Variants in TP53INP1 observed in about 807,000 individuals in gnomAD.
TP53INP1 encodes tumor protein p53-inducible nuclear protein 1.
Under a neutral mutation model 21.0 loss-of-function variants are expected in TP53INP1, and 12 were observed. The observed-to-expected ratio is 0.57, with a 90% CI of 0.37 to 0.93. TP53INP1 has a LOEUF of 0.93. Among genes scored for constraint, TP53INP1 ranks in the 40% least tolerant of loss-of-function variants. The pLI is 0.01. For synonymous variants in TP53INP1, 91 were observed against 94.8 expected, an observed-to-expected ratio of 0.96 and a Z score of 0.23; for missense variants, 274 against 294.7, an observed-to-expected ratio of 0.93 and a Z score of 0.51.
rs542484737 is a variant in TP53INP1, at chr8:94,930,415, A to T, written c.*64T>A. 6.3e-7 allele frequency: 1 copy of T among 1,596,844 alleles called. No homozygotes were observed. The highest frequency in any genetic ancestry group is 1.3e-5 in the African/African-American group (1 of 74,688). The stretch of plus-strand genomic sequence containing the variant: ...TAAAGAGACAACATTTTCACTGTAC[A>T]TATACACACATCCATACATGTAAGC... On this transcript the variant is annotated 3_prime_UTR_variant, in exon 4 of 4. Coordinates refer to ENST00000342697, the MANE Select transcript of TP53INP1 (RefSeq NM_033285.4).
Position 94,926,467 on chromosome 8 carries a change from G to A in TP53INP1, c.*4012C>T, listed in dbSNP as rs1302181532. The A allele has an allele frequency of 6.7e-6, 1 of 149,008 alleles. No homozygotes were observed. The highest frequency in any genetic ancestry group is 6.7e-5 in the Admixed American group (1 of 14,946). 9.2% of individuals were successfully genotyped at this position (149,008 alleles called of 1,614,324 possible). A position where few individuals can be genotyped will look rare whatever the true frequency, so the allele number is the denominator to read the frequency against. ...ATTATTAAAGTTCAAAATCTCTGGA[G>A]GAAAATACAAGCAAAACCACTCATA... On this transcript the variant is annotated 3_prime_UTR_variant, in exon 4 of 4. Transcript: ENST00000342697.
chr8:94,943,412 C>T (rs1821726424), intron 1 of TP53INP1, among the ~76,000 whole-genome samples: 1 of 152,144 alleles, frequency 6.6e-6, no homozygotes, highest in Admixed American at 6.5e-5. Flanking sequence ...TCTCTTGAGT[C>T]CAGGTTCAAG....
chr8:94,933,558 A>T (rs1820642721), intron 3 of TP53INP1, among the ~76,000 whole-genome samples: 2 of 152,076 alleles, frequency 1.3e-5, no homozygotes, highest in African/African-American at 2.4e-5. Context: ...TGAAGTCAGG[A>T]GTTTGAGACC....
At chr8:94,934,077 C>CAA (rs1334851997) in intron 3 of TP53INP1, among the ~76,000 whole-genome samples, 2 of 108,714 alleles carry the variant, frequency 1.8e-5, no homozygotes, top group Non-Finnish European at 3.8e-5. Flanking sequence ...AACTCTGTCT[C>CAA]AAAAAAAAAA....
chr8:94,948,831 G>A (rs1458111060), intron 1 of TP53INP1, among the ~76,000 whole-genome samples: 2 of 152,078 alleles, frequency 1.3e-5, no homozygotes, highest in Non-Finnish European at 2.9e-5. Context: ...GCCACGCTCG[G>A]GGGAGGAGGC....
chr8:94,934,671 C>T (rs1197096407), intron 3 of TP53INP1, among the ~76,000 whole-genome samples: 2 of 152,094 alleles, frequency 1.3e-5, no homozygotes, highest in Non-Finnish European at 2.9e-5. Flanking sequence ...TAAGCCACTG[C>T]ACCTGGCCTA....
At chr8:94,933,838 G>GGGA (rs1820687778) in intron 3 of TP53INP1, among the ~76,000 whole-genome samples, 2 of 148,482 alleles carry the variant, frequency 1.3e-5, no homozygotes, top group African/African-American at 5.0e-5. Flanking sequence ...ACTTTGTGGG[G>GGGA]GGGGGGGGAG....
intron 2 of TP53INP1, 118 bp downstream of exon 2, chr8:94,940,712 C>G: frequency 1.4e-6 from 1 of 692,964 alleles, no homozygotes; most frequent in Non-Finnish European, 2.4e-6. Context: ...AAGACAAACT[C>G]CTGCTTACTT....
intron 3 of TP53INP1, 59 bp downstream of exon 3, chr8:94,939,801 T>C (rs950997480): frequency 6.4e-7 from 1 of 1,564,626 alleles, no homozygotes; most frequent in Non-Finnish European, 8.6e-7. Flanking sequence ...TGAATTACAG[T>C]AGAGACAAAA....
intron 1 of TP53INP1, among the ~76,000 whole-genome samples, chr8:94,943,478 C>T (rs756602301): frequency 1.3e-5 from 2 of 152,076 alleles, no homozygotes; most frequent in Non-Finnish European, 2.9e-5. Flanking sequence ...CACAGCGAGA[C>T]CTTGTCTCAA....
At position 94,930,469 on chromosome 8, in the gene TP53INP1, C is replaced by T. The variant is rs902867314; in HGVS notation, c.*10G>A. ...AACCAAGAGAAACCAACCAACAAAACTTGAAACTATTAGTAATTGTACTGA... is the reference window on the plus strand; with the variant it reads ...AACCAAGAGAAACCAACCAACAAAATTTGAAACTATTAGTAATTGTACTGA... On this transcript the variant is annotated 3_prime_UTR_variant, in exon 4 of 4. Transcript: ENST00000342697. 3.1e-6 allele frequency: 5 copies of T among 1,613,120 alleles called. No individual in the cohort carries two copies. The highest frequency in any genetic ancestry group is 2.2e-5 in the East Asian group (1 of 44,860).
chr8:94,938,294 T>C (rs1192744653), intron 3 of TP53INP1, among the ~76,000 whole-genome samples: 4 of 152,238 alleles, frequency 2.6e-5, no homozygotes, highest in African/African-American at 9.6e-5. Context: ...ATTCTGGTGT[T>C]GTGCCAGTAT....
rs753013292 is a variant in TP53INP1, at chr8:94,939,996, T to G, written c.337A>C (p.Lys113Gln). 1.8e-5 allele frequency: 29 copies of G among 1,614,040 alleles called. 1 individual carries two copies. In the South Asian group the frequency reaches 3.1e-4, roughly 17 times the overall value. Reference protein sequence around the residue: ...CFTAGGLTTIKVETSPMENLL... With the variant: ...CFTAGGLTTIQVETSPMENLL... ...TTTTCCATAGGACTTGTTTCCACCTTGATAGTGGTTAATCCACCTGCAGTA... is the reference window on the plus strand; with the variant it reads ...TTTTCCATAGGACTTGTTTCCACCTGGATAGTGGTTAATCCACCTGCAGTA... The change falls in exon 3 of 4, where the codon AAG (lysine) becomes CAG (glutamine). Residue 113 changes from lysine (K) to glutamine (Q), a missense_variant. Lys to Gln is a moderately conservative substitution (Grantham distance 53). Coordinates refer to ENST00000342697, the MANE Select transcript of TP53INP1 (RefSeq NM_033285.4).
chr8:94,947,577 C>T (rs1445336413), intron 1 of TP53INP1, among the ~76,000 whole-genome samples: 1 of 152,212 alleles, frequency 6.6e-6, no homozygotes, highest in South Asian at 2.1e-4. Flanking sequence ...TTTTGAACTG[C>T]AGAAAAAACC....
chr8:94,947,912 G>T (rs1029383246), intron 1 of TP53INP1, among the ~76,000 whole-genome samples: 2 of 152,210 alleles, frequency 1.3e-5, no homozygotes, highest in Admixed American at 6.5e-5. Flanking sequence ...CGACTTAAAA[G>T]CTTCCCAGTG....
chr8:94,940,421 A>T (rs1278985628), intron 2 of TP53INP1, among the ~76,000 whole-genome samples: 1 of 149,454 alleles, frequency 6.7e-6, no homozygotes, highest in Non-Finnish European at 1.5e-5. Flanking sequence ...TATGACTATA[A>T]ATTTATTTCT....
At chr8:94,935,747 A>C (rs144596617) in intron 3 of TP53INP1, among the ~76,000 whole-genome samples, 1 of 152,384 alleles carries the variant, frequency 6.6e-6, no homozygotes, top group African/African-American at 2.4e-5. Context: ...ATTGGAGAAC[A>C]TAAAAATGCA....
intron 3 of TP53INP1, among the ~76,000 whole-genome samples, chr8:94,935,819 C>G (rs952572952): frequency 2.6e-5 from 4 of 152,190 alleles, no homozygotes; most frequent in Non-Finnish European, 5.9e-5. Context: ...GAAGTTATAT[C>G]CCCTTTACCT....
chr8:94,940,154 G>A lies in TP53INP1; in HGVS notation c.179C>T (p.Thr60Ile). 6.2e-7 allele frequency: 1 copy of A among 1,614,200 alleles called. No individual in the cohort carries two copies. The highest frequency in any genetic ancestry group is 8.5e-7 in the Non-Finnish European group (1 of 1,180,016). ...EEEDISEESP[T>I]EHPSVFSCLP... Reference sequence around the variant, plus strand: ...ACAGGAAAAGACTGAAGGGTGCTCAGTAGGTGACTCTTCACTGATGTCCTC... The same window carrying A: ...ACAGGAAAAGACTGAAGGGTGCTCAATAGGTGACTCTTCACTGATGTCCTC... Residue 60 changes from threonine (T) to isoleucine (I), a missense_variant, in exon 3 of 4, where the codon ACT becomes ATT. Thr to Ile is a moderately conservative substitution (Grantham distance 89, BLOSUM62 -1). Coordinates refer to ENST00000342697, the MANE Select transcript of TP53INP1 (RefSeq NM_033285.4).
Sources: gnomAD v4.1 joint callset for allele counts (sites outside exome capture counted in the v4.1 genomes callset) on GRCh38, gnomAD v4.1.1 for gene constraint, MANE v1.5 for transcripts, NCBI Gene and HGNC (gene_info 2026-07-23, HGNC 2026-07-21) for gene names.